The following NMNAT2 variants were observed in gnomAD, a reference collection of about 807,000 sequenced individuals.
The protein encoded by NMNAT2 is nicotinamide nucleotide adenylyltransferase 2, also known as nicotinamide/nicotinic acid mononucleotide adenylyltransferase 2.
Under a neutral mutation model 41.6 loss-of-function variants are expected in NMNAT2, and 11 were observed. That is an observed-to-expected ratio of 0.26 (90% CI 0.17 to 0.44). The LOEUF is 0.44. Among genes scored for constraint, NMNAT2 ranks in the 20% least tolerant of loss-of-function variants. NMNAT2 has a pLI of 1.00. For synonymous variants in NMNAT2, 148 were observed against 151.2 expected (o/e 0.98, Z 0.16); for missense variants, 288 against 407.7 (o/e 0.71, Z 2.53).
intron 1 of NMNAT2, among the ~76,000 whole-genome samples, chr1:183,380,622 G>A (rs558955989): frequency 6.6e-6 from 1 of 152,292 alleles, no homozygotes; most frequent in South Asian, 2.1e-4. Flanking sequence ...GGATCAGAAG[G>A]GGTGCAGCTG....
At chr1:183,260,076 G>A (rs1375170715) in intron 10 of NMNAT2, among the ~76,000 whole-genome samples, 1 of 152,172 alleles carries the variant, frequency 6.6e-6, no homozygotes, top group Non-Finnish European at 1.5e-5. Context: ...GTTAGTAATA[G>A]AGCATCCTGA....
intron 1 of NMNAT2, among the ~76,000 whole-genome samples, chr1:183,398,141 T>G (rs572223921): frequency 6.6e-6 from 1 of 152,232 alleles, no homozygotes; most frequent in Admixed American, 6.5e-5. Flanking sequence ...TCAAGACCTA[T>G]CAGTGTGCCA....
At chr1:183,400,977 G>A (rs1189609670) in intron 1 of NMNAT2, among the ~76,000 whole-genome samples, 2 of 152,086 alleles carry the variant, frequency 1.3e-5, no homozygotes, top group African/African-American at 4.8e-5. Flanking sequence ...GAAAACCTAG[G>A]CAATACCATT....
At chr1:183,328,985 G>C (rs1228567684) in intron 1 of NMNAT2, among the ~76,000 whole-genome samples, 1 of 152,168 alleles carries the variant, frequency 6.6e-6, no homozygotes, top group Non-Finnish European at 1.5e-5. Flanking sequence ...AGCAGAGGTA[G>C]CAGAGGTAGA....
chr1:183,392,480 G>A (rs1257355443), intron 1 of NMNAT2, among the ~76,000 whole-genome samples: 1 of 152,200 alleles, frequency 6.6e-6, no homozygotes, highest in African/African-American at 2.4e-5. Flanking sequence ...AGTGCAGCTA[G>A]AACAAATATA....
rs1660290490 is a variant in NMNAT2, at chr1:183,248,702, G to A, written c.*3939C>T. On this transcript the variant is annotated 3_prime_UTR_variant, in exon 11 of 11. Coordinates refer to ENST00000287713, the MANE Select transcript of NMNAT2 (RefSeq NM_015039.4). ...CCATTACTACAATGCTATTCCTAAG[G>A]TGTCCTAATTGTATGAGCTACAAAA... The A allele has an allele frequency of 6.6e-6, 1 of 152,162 alleles. No individual in the cohort carries two copies. The highest frequency in any genetic ancestry group is 2.1e-4 in the South Asian group (1 of 4,828). The allele number at this position is 152,162 out of a possible 1,614,324, so 9.4% of individuals were successfully genotyped here.
At chr1:183,284,834 C>A (rs1301474682) in intron 5 of NMNAT2, 44 bp from the exon 6 acceptor site, 2 of 1,509,734 alleles carry the variant, frequency 1.3e-6, no homozygotes, top group African/African-American at 1.4e-5. Flanking sequence ...TGGGAGAGAA[C>A]AACTCACAAC....
At chr1:183,398,269 T>C (rs1648712090) in intron 1 of NMNAT2, among the ~76,000 whole-genome samples, 2 of 152,078 alleles carry the variant, frequency 1.3e-5, no homozygotes, top group Non-Finnish European at 2.9e-5. Context: ...TCCTAGTCTC[T>C]GATAAAACAA....
At chr1:183,291,434 T>G (rs1661538333) in intron 3 of NMNAT2, among the ~76,000 whole-genome samples, 1 of 151,990 alleles carries the variant, frequency 6.6e-6, no homozygotes, top group African/African-American at 2.4e-5. Context: ...AACAAACACT[T>G]CACCTGGCTA....
intron 8 of NMNAT2, among the ~76,000 whole-genome samples, 192 bp from the exon 9 acceptor site, chr1:183,261,495 A>C (rs556774584): frequency 6.6e-6 from 1 of 152,360 alleles, no homozygotes; most frequent in South Asian, 2.1e-4. Context: ...TAATAGAATA[A>C]GTGAAAGCAT....
Position 183,379,561 on chromosome 1 carries a change from A to G in NMNAT2, c.85+38622T>C, listed in dbSNP as rs540638168. Among the ~76,000 whole-genome samples, 4 of 152,338 alleles carry G rather than the reference A, an allele frequency of 2.6e-5. No homozygotes were observed. In the South Asian group the frequency reaches 8.3e-4, roughly 32 times the overall value. ...AAAGATATACATGCAAATTCTAACT[A>G]AAAGAAAGCTGGAATAGTTATATTA... On this transcript the variant is annotated intron_variant, in intron 1 of 10. Coordinates refer to ENST00000287713, the MANE Select transcript of NMNAT2 (RefSeq NM_015039.4).
At chr1:183,354,409 CTTTTTT>C (rs67663742) in intron 1 of NMNAT2, among the ~76,000 whole-genome samples, 1 of 89,658 alleles carries the variant, frequency 1.1e-5, no homozygotes, top group Non-Finnish European at 2.1e-5. Flanking sequence ...TCTTTAATGT[CTTTTTT>C]TTTTTTTTTT....
In NMNAT2 at chr1:183,290,235, G is replaced by C. The variant is rs750175208; in HGVS notation, c.243-29C>G. 1.6e-5 allele frequency: 25 copies of C among 1,527,418 alleles called. No homozygotes were observed. In the South Asian group the frequency reaches 2.8e-4, roughly 17 times the overall value. The allele number at this position is 1,527,418 out of a possible 1,614,324, so 94.6% of individuals were successfully genotyped here. A position where few individuals can be genotyped will look rare whatever the true frequency, so the allele number is the denominator to read the frequency against. On this transcript the variant is annotated intron_variant, in intron 3 of 10. Transcript: ENST00000287713. ...ACATCATCGGAAAGAAGTTTCCCTT[G>C]GTTTCTGTTCTCATATTCTTTCCTT...
At chr1:183,308,067 G>A (rs1168108507) in intron 1 of NMNAT2, among the ~76,000 whole-genome samples, 1 of 152,166 alleles carries the variant, frequency 6.6e-6, no homozygotes, top group African/African-American at 2.4e-5. Flanking sequence ...GAGCTCTGCT[G>A]GCATTGGGAC....
At chr1:183,269,817 A>C (rs1660935937) in intron 8 of NMNAT2, among the ~76,000 whole-genome samples, 1 of 152,172 alleles carries the variant, frequency 6.6e-6, no homozygotes, top group South Asian at 2.1e-4. Context: ...GTCTGCCTTA[A>C]AGACTCTTTC....
chr1:183,402,508 G>T (rs1297535709), intron 1 of NMNAT2, among the ~76,000 whole-genome samples: 2 of 152,086 alleles, frequency 1.3e-5, no homozygotes, highest in East Asian at 3.8e-4. Context: ...TCCATTTTTT[G>T]AAATCTGTGC....
intron 1 of NMNAT2, among the ~76,000 whole-genome samples, chr1:183,373,713 G>C (rs1048863476): frequency 6.6e-6 from 1 of 151,708 alleles, no homozygotes; most frequent in African/African-American, 2.4e-5. Flanking sequence ...CGCCTCCTGG[G>C]TTCAAGTGAT....
At chr1:183,387,757 T>A (rs1648300519) in intron 1 of NMNAT2, among the ~76,000 whole-genome samples, 1 of 152,196 alleles carries the variant, frequency 6.6e-6, no homozygotes, top group Non-Finnish European at 1.5e-5. Flanking sequence ...CCAGGGTCCA[T>A]CTCAAATACC....
chr1:183,393,134 G>A (rs961549563), intron 1 of NMNAT2, among the ~76,000 whole-genome samples: 1 of 152,064 alleles, frequency 6.6e-6, no homozygotes. Context: ...AATTCACCTC[G>A]AGTGGAAGAT....
Sources: gnomAD v4.1 joint callset for allele counts (sites outside exome capture counted in the v4.1 genomes callset) on GRCh38, gnomAD v4.1.1 for gene constraint, MANE v1.5 for transcripts, NCBI Gene and HGNC (gene_info 2026-07-23, HGNC 2026-07-21) for gene names.